Variants in ZC3H18 observed in about 807,000 individuals in gnomAD.
ZC3H18 encodes zinc finger CCCH-type containing 18.
In ZC3H18, 8 loss-of-function variants were observed where a neutral mutation model predicts 106.1. The observed-to-expected ratio is 0.08, with a 90% CI of 0.04 to 0.14. The LOEUF is 0.14. Among genes scored for constraint, ZC3H18 ranks in the 10% least tolerant of loss-of-function variants. ZC3H18 has a pLI of 1.00. For missense variants in ZC3H18, 1,318 were observed against 1,278.4 expected (o/e 1.03, Z -0.47); for synonymous variants, 635 against 522.1 (o/e 1.22, Z -2.95).
intron 5 of ZC3H18, 133 bp downstream of exon 5, chr16:88,598,845 CT>C (rs1193722354): frequency 1.4e-6 from 1 of 731,716 alleles, no homozygotes; most frequent in Non-Finnish European, 2.1e-6. Flanking sequence ...TCTGTGGTGT[CT>C]TTCTTTATTT....
At chr16:88,598,515 C>T (rs1225101873) in intron 4 of ZC3H18, 105 bp from the exon 5 acceptor site, 3 of 1,429,984 alleles carry the variant, frequency 2.1e-6, no homozygotes, top group Non-Finnish European at 2.9e-6. Context: ...AGGAGAGCGG[C>T]CACACACGGC....
intron 6 of ZC3H18, among the ~76,000 whole-genome samples, chr16:88,605,456 G>T (rs114546464): frequency 6.6e-6 from 1 of 152,238 alleles, no homozygotes; most frequent in Admixed American, 6.5e-5. Context: ...GGGCTGCGTC[G>T]CTGCTCCCTT....
chr16:88,630,764 C>A (rs534829743), intron 17 of ZC3H18, among the ~76,000 whole-genome samples, 183 bp downstream of exon 17: 8,567 of 110,856 alleles, frequency 0.077, 1,649 homozygotes, highest in South Asian at 0.12. Flanking sequence ...CCACCCCCCC[C>A]CACACACACA....
In ZC3H18 at chr16:88,577,134, C is replaced by A; in HGVS notation, c.11C>A (p.Ala4Asp). 6.5e-7 allele frequency: 1 copy of A among 1,548,334 alleles called. No homozygotes were observed. The highest frequency in any genetic ancestry group is 8.7e-7 in the Non-Finnish European group (1 of 1,145,044). Residue 4 changes from alanine to aspartate, a missense_variant, in exon 2 of 18, where the codon GCC becomes GAC. By Grantham distance (126) the Ala-to-Asp change is moderately radical (BLOSUM62 -2). This residue lies in a region of ZC3H18 where 346 missense variants were observed against 269.0 expected (regional missense o/e 1.29). Coordinates refer to ENST00000301011, the MANE Select transcript of ZC3H18 (RefSeq NM_144604.4). Reference protein sequence around the residue: MDVAESPERDPHSP... With the variant: MDVDESPERDPHSP... ...GAACCGTGGGTACCGATGGATGTGG[C>A]CGAGAGCCCTGAACGGGATCCTCAC... is the stretch of plus-strand genomic sequence containing the variant.
At position 88,623,979 on chromosome 16, in the gene ZC3H18, C is replaced by A. The variant is rs2079450204; in HGVS notation, c.1815C>A (p.Ser605=). ...CTAGGTCCCGGTCCTTCTCTTCGTC[C>A]CCGTCCCCGTCCCCAACACCTTCCC... The part of the protein sequence containing the change: ...SRSRSRSFSS[S]PSPSPTPSPH... Residue 605 remains serine (S), a synonymous_variant, in exon 11 of 18, where the codon TCC becomes TCA. Transcript: ENST00000301011. 1.9e-6 allele frequency: 3 copies of A among 1,612,714 alleles called. No homozygotes were observed. The highest frequency in any genetic ancestry group is 1.7e-6 in the Non-Finnish European group (2 of 1,179,070).
At chr16:88,598,355 G>A (rs1159839432) in intron 4 of ZC3H18, 29 bp downstream of exon 4, 12 of 1,580,138 alleles carry the variant, frequency 7.6e-6, no homozygotes, top group African/African-American at 1.4e-5. Flanking sequence ...TTCATTGTTA[G>A]CACATCAGCC....
intron 8 of ZC3H18, among the ~76,000 whole-genome samples, chr16:88,615,815 G>C (rs1453380277): frequency 1.3e-5 from 2 of 152,226 alleles, no homozygotes; most frequent in African/African-American, 4.8e-5. Context: ...TATTCTGCCT[G>C]TTTCTAAGCA....
chr16:88,625,508 T>C (rs1906248749), intron 13 of ZC3H18: 4 of 548,306 alleles, frequency 7.3e-6, no homozygotes, highest in Non-Finnish European at 1.3e-5. Context: ...TCGGGGGCAC[T>C]CAGGTCAGGA....
chr16:88,577,272 A>G lies in ZC3H18; in HGVS notation c.149A>G (p.Asp50Gly). Residue 50 changes from aspartate (D) to glycine (G), a missense_variant, in exon 2 of 18, where the codon GAT becomes GGT. Asp to Gly is a moderately conservative substitution (Grantham distance 94). Around this residue, in one of 6 missense-constraint regions of ZC3H18, gnomAD observed 346 missense variants for 269.0 expected, o/e 1.29. Transcript: ENST00000301011. ...GAGVRASDLE[D>G]EESAARGPSQ... ...GGGGTGAGGGCTTCTGATCTGGAGG[A>G]TGAGGAAAGTGCAGCCAGGGGGCCG... 3.1e-6 allele frequency: 5 copies of G among 1,613,364 alleles called. No individual in the cohort carries two copies. Among genetic ancestry groups the G allele is most frequent in the Non-Finnish European group, 4.2e-6 (5 of 1,179,744 alleles).
rs2142672404 is a variant in ZC3H18 at position 88,598,254 on chromosome 16, C to T, written c.765C>T (p.Thr255=). 6.2e-7 allele frequency: 1 copy of T among 1,613,820 alleles called. No individual in the cohort carries two copies. ...ACAAGGGGAACTACTCCCTAATCAC[C>T]AAAGCCGACCCCTTCCCGCCTAATG... ...VNDKGNYSLI[T]KADPFPPNGA... The change falls in exon 4 of 18, where the codon ACC becomes ACT. Residue 255 remains threonine, a synonymous_variant. Coordinates refer to ENST00000301011, the MANE Select transcript of ZC3H18 (RefSeq NM_144604.4).
In ZC3H18 at chr16:88,577,498, G is replaced by A. The variant is rs369026181; in HGVS notation, c.375G>A (p.Glu125=). The change falls in exon 2 of 18, where the codon GAG becomes GAA. Residue 125 remains glutamate (E), a synonymous_variant. Transcript: ENST00000301011. ...EASSVTRELD[E]HELDYDEEVP... ...CCTCAGTCACCAGGGAGCTGGATGA[G>A]CATGAGCTAGACTACGATGAGGAGG... The A allele has an allele frequency of 6.2e-6, 10 of 1,612,880 alleles. No individual in the cohort carries two copies. Among genetic ancestry groups the A allele is most frequent in the African/African-American group, 4.0e-5 (3 of 74,900 alleles).
At chr16:88,573,736 T>G (rs1914556412) in intron 1 of ZC3H18, among the ~76,000 whole-genome samples, 2 of 152,124 alleles carry the variant, frequency 1.3e-5, no homozygotes, top group South Asian at 4.2e-4. Flanking sequence ...TAATAATTCC[T>G]CCCAGTAGTC....
chr16:88,573,975 G>C (rs1381556355), intron 1 of ZC3H18, among the ~76,000 whole-genome samples: 1 of 151,414 alleles, frequency 6.6e-6, no homozygotes, highest in East Asian at 1.9e-4. Flanking sequence ...CCGAGTTCAA[G>C]CAATTCTCCT....
intron 3 of ZC3H18, among the ~76,000 whole-genome samples, chr16:88,597,393 T>A (rs1904494640): frequency 6.6e-6 from 1 of 152,232 alleles, no homozygotes. Context: ...AAAATCTAAC[T>A]GCATGTTAAC....
At chr16:88,614,096 A>C (rs950328236) in intron 8 of ZC3H18, among the ~76,000 whole-genome samples, 1 of 152,256 alleles carries the variant, frequency 6.6e-6, no homozygotes, top group African/African-American at 2.4e-5. Flanking sequence ...CTTCCCAGTC[A>C]GGAGTCTGTA....
Position 88,611,390 on chromosome 16 carries a change from CAAG to C in ZC3H18, c.1330_1332del (p.Lys444del). 2 of 1,184,574 alleles carry C rather than the reference CAAG, an allele frequency of 1.7e-6. No homozygotes were observed. Among genetic ancestry groups the C allele is most frequent in the Non-Finnish European group, 1.2e-6 (1 of 812,112 alleles). The allele number at this position is 1,184,574 out of a possible 1,614,324, so 73.4% of individuals were successfully genotyped here. A position where few individuals can be genotyped will look rare whatever the true frequency, so the allele number is the denominator to read the frequency against. On this transcript the variant is annotated inframe_deletion, in exon 8 of 18. Transcript: ENST00000301011. ...AGCGAGAGCGGGAGCGCGAGCGCGA[CAAG>C]GAGCGGCAGCGGAGGAAGGAGGAGT...
At chr16:88,624,469 G>A in intron 11 of ZC3H18, 133 bp from the exon 12 acceptor site, 1 of 1,324,750 alleles carries the variant, frequency 7.5e-7, no homozygotes, top group African/African-American at 1.5e-5. Flanking sequence ...GCCGTGTCCA[G>A]GCACGAGCGT....
intron 8 of ZC3H18, 77 bp downstream of exon 8, chr16:88,611,613 C>A (rs1057367539): frequency 1.3e-6 from 2 of 1,494,004 alleles, no homozygotes; most frequent in Non-Finnish European, 1.8e-6. Context: ...CCCTGGCCTG[C>A]GCTTCCCCTC....
rs1364389991 is a variant in ZC3H18 at position 88,608,027 on chromosome 16, T to TC, written c.1089-907_1089-906insC. ...TTATAATCTGTGTCTGTGAAGACAC[T>TC]GATTTCTATGTTAATTTTTTTATCC... On this transcript the variant is annotated intron_variant, in intron 6 of 17. Coordinates refer to ENST00000301011, the MANE Select transcript of ZC3H18 (RefSeq NM_144604.4). Among the ~76,000 whole-genome samples, 8 of 152,366 alleles carry TC rather than the reference T, an allele frequency of 5.3e-5. No individual in the cohort carries two copies. In the South Asian group the frequency reaches 1.4e-3, roughly 28 times the overall value.
Sources: allele counts gnomAD v4.1 joint callset (sites outside exome capture counted in the v4.1 genomes callset), GRCh38; gene constraint gnomAD v4.1.1; regional missense constraint gnomAD v4.1.1; transcripts MANE v1.5; gene names NCBI Gene and HGNC (gene_info 2026-07-23, HGNC 2026-07-21).